AKAP12: variants seen among roughly 807,000 people sequenced by gnomAD.
The protein encoded by AKAP12 is A-kinase anchor protein 12.
In AKAP12, 32 loss-of-function variants were observed where a neutral mutation model predicts 79.9. The observed-to-expected ratio is 0.40, with a 90% confidence interval of 0.30 to 0.54. AKAP12 has a LOEUF of 0.54. Ranked by LOEUF, AKAP12 falls within the 20% of genes least tolerant of loss-of-function variation. The probability of loss-of-function intolerance (pLI) is 0.48; values close to 1 mark genes in which losing one functional copy is unlikely to be tolerated. For missense variants in AKAP12, 2,074 were observed against 2,177.0 expected (o/e 0.95, Z 0.94); for synonymous variants, 808 against 857.0 (o/e 0.94, Z 1.00).
intron 2 of AKAP12, among the ~76,000 whole-genome samples, chr6:151,254,170 A>G (rs1797244970): frequency 6.6e-6 from 1 of 152,232 alleles, no homozygotes. Flanking sequence ...TTACTAAATT[A>G]GTCTTGACCA....
intron 3 of AKAP12, among the ~76,000 whole-genome samples, chr6:151,340,683 C>T (rs1408023913): frequency 1.3e-5 from 2 of 150,966 alleles, no homozygotes; most frequent in Non-Finnish European, 3.0e-5. Flanking sequence ...TACTCAAGAA[C>T]TTAAAGCTCT....
intron 2 of AKAP12, among the ~76,000 whole-genome samples, chr6:151,245,656 C>CAAAAAAAAAA (rs10700236): frequency 2.0e-5 from 2 of 99,132 alleles, no homozygotes; most frequent in African/African-American, 4.0e-5. Context: ...GACTCCGTCT[C>CAAAAAAAAAA]AAAAAAAAAA....
intron 3 of AKAP12, among the ~76,000 whole-genome samples, chr6:151,340,166 C>G (rs1201737416): frequency 1.3e-5 from 2 of 151,556 alleles, no homozygotes; most frequent in African/African-American, 4.9e-5. Context: ...AACTCATGAT[C>G]TCATGATCCA....
chr6:151,297,990 T>A (rs546216626), intron 2 of AKAP12, among the ~76,000 whole-genome samples: 2 of 152,298 alleles, frequency 1.3e-5, no homozygotes, highest in South Asian at 4.1e-4. Context: ...ACGGTTTCAT[T>A]TGAATCTCAC....
intron 3 of AKAP12, chr6:151,341,763 TCCCTTAGGA>T: frequency 7.8e-7 from 1 of 1,285,934 alleles, no homozygotes; most frequent in Non-Finnish European, 1.0e-6. Flanking sequence ...CCACCAACTG[TCCCTTAGGA>T]CCGGCCCGAG....
At chr6:151,322,102 GT>G (rs1456717303) in intron 3 of AKAP12, among the ~76,000 whole-genome samples, 1 of 151,692 alleles carries the variant, frequency 6.6e-6, no homozygotes, top group Middle Eastern at 3.2e-3. Flanking sequence ...TAGAGACGGG[GT>G]TTCATCATGT....
At chr6:151,250,736 G>A (rs1206764012) in intron 2 of AKAP12, among the ~76,000 whole-genome samples, 1 of 151,268 alleles carries the variant, frequency 6.6e-6, no homozygotes, top group Non-Finnish European at 1.5e-5. Context: ...CTCCCGAGTA[G>A]CTGGGACTAC....
chr6:151,294,035 G>T (rs921581988), intron 2 of AKAP12, among the ~76,000 whole-genome samples: 4 of 151,586 alleles, frequency 2.6e-5, no homozygotes, highest in Non-Finnish European at 5.9e-5. Context: ...GCACAGGGGC[G>T]CAATCTCGAC....
intron 3 of AKAP12, among the ~76,000 whole-genome samples, chr6:151,332,282 C>T (rs1012611388): frequency 2.6e-5 from 4 of 151,888 alleles, no homozygotes; most frequent in African/African-American, 9.7e-5. Context: ...GTGATCCGCC[C>T]GCCTCGGCCT....
At chr6:151,345,101 A>G (rs533216934) in intron 3 of AKAP12, among the ~76,000 whole-genome samples, 1 of 151,908 alleles carries the variant, frequency 6.6e-6, no homozygotes, top group Admixed American at 6.6e-5. Flanking sequence ...GGGGGGACAG[A>G]GTCTTGCTGT....
At chr6:151,302,724 C>T (rs1386382210) in intron 2 of AKAP12, among the ~76,000 whole-genome samples, 1 of 151,996 alleles carries the variant, frequency 6.6e-6, no homozygotes, top group African/African-American at 2.4e-5. Flanking sequence ...TTTATGTTCC[C>T]TGTTTAGTTT....
chr6:151,266,130 C>T (rs1797545136), intron 2 of AKAP12, among the ~76,000 whole-genome samples: 1 of 152,254 alleles, frequency 6.6e-6, no homozygotes, highest in African/African-American at 2.4e-5. Context: ...CTGTAAAACT[C>T]TCCTTGGCCT....
intron 2 of AKAP12, among the ~76,000 whole-genome samples, chr6:151,240,971 G>T (rs1796962122): frequency 6.6e-6 from 1 of 152,190 alleles, no homozygotes; most frequent in Admixed American, 6.5e-5. Context: ...GGAGGCGACT[G>T]CGCCATGCGC....
At chr6:151,355,566 G>T (rs1451501761) in intron 4 of AKAP12, among the ~76,000 whole-genome samples, 161 bp from the exon 5 acceptor site, 5 of 152,050 alleles carry the variant, frequency 3.3e-5, no homozygotes, top group Admixed American at 1.3e-4. Context: ...TTCACAAAGT[G>T]CTGGGATTAC....
intron 2 of AKAP12, among the ~76,000 whole-genome samples, chr6:151,246,846 C>T (rs942690776): frequency 6.6e-6 from 1 of 152,300 alleles, no homozygotes; most frequent in African/African-American, 2.4e-5. Context: ...ACTGCAGCCT[C>T]GACCTCCTGG....
At chr6:151,335,065 C>A (rs73619285) in intron 3 of AKAP12, among the ~76,000 whole-genome samples, 1 of 152,114 alleles carries the variant, frequency 6.6e-6, no homozygotes, top group Non-Finnish European at 1.5e-5. Flanking sequence ...ATTTTATACT[C>A]GGGAATGTTT....
intron 4 of AKAP12, among the ~76,000 whole-genome samples, chr6:151,355,031 T>C (rs1437946682): frequency 1.3e-5 from 2 of 152,108 alleles, no homozygotes; most frequent in African/African-American, 2.4e-5. Context: ...AGTCTCACTC[T>C]GTCACCCCGA....
intron 2 of AKAP12, among the ~76,000 whole-genome samples, chr6:151,253,946 TA>T (rs1797241069): frequency 6.6e-6 from 1 of 152,104 alleles, no homozygotes; most frequent in African/African-American, 2.4e-5. Context: ...TGACCTCAGG[TA>T]ATCTGCCTCC....
intron 2 of AKAP12, among the ~76,000 whole-genome samples, chr6:151,302,743 ATGAAACTG>A (rs767591226): frequency 2.6e-5 from 4 of 151,332 alleles, no homozygotes; most frequent in African/African-American, 7.2e-5. Context: ...TTGCCATATC[ATGAAACTG>A]TGTATGTCAA....
Sources: allele counts gnomAD v4.1 joint callset (sites outside exome capture counted in the v4.1 genomes callset), GRCh38; gene constraint gnomAD v4.1.1; transcripts MANE v1.5; gene names NCBI Gene and HGNC (gene_info 2026-07-23, HGNC 2026-07-21).